TRABD: variants seen among roughly 807,000 people sequenced by gnomAD.
TRABD encodes the protein TraB domain containing, also known as traB domain-containing protein.
In TRABD, 23 loss-of-function variants were observed where a neutral mutation model predicts 39.6. The observed-to-expected ratio is 0.58, with a 90% CI of 0.42 to 0.82. The LOEUF (loss-of-function observed/expected upper bound fraction) is 0.82, where lower values mean the gene tolerates loss of function less well. Among genes scored for constraint, TRABD ranks in the 40% least tolerant of loss-of-function variants. TRABD has a pLI of 0.00. For synonymous variants in TRABD, 243 were observed against 232.1 expected (o/e 1.05, Z -0.43); for missense variants, 487 against 544.9 (o/e 0.89, Z 1.06).
chr22:50,197,432 C>T lies in TRABD; in HGVS notation c.532-17C>T, dbSNP rs1204189766. On this transcript the variant is annotated splice_polypyrimidine_tract_variant and intron_variant, in intron 6 of 9. Coordinates refer to ENST00000380909, the MANE Select transcript of TRABD (RefSeq NM_001320485.2). ...CCGGGGTTCCCACTGCTCCCCAACA[C>T]CCAGCCTCTGCTCCAGGCCAGCAAG... 1.2e-6 allele frequency: 2 copies of T among 1,613,364 alleles called. No individual in the cohort carries two copies. The highest frequency in any genetic ancestry group is 1.6e-4 in the Middle Eastern group (1 of 6,082).
chr22:50,189,942 C>A (rs1248966708), intron 1 of TRABD, among the ~76,000 whole-genome samples: 8 of 152,250 alleles, frequency 5.3e-5, no homozygotes, highest in Non-Finnish European at 2.9e-5. Flanking sequence ...TGGGCCAGGG[C>A]CTTTTGCTCA....
intron 4 of TRABD, 111 bp from the exon 5 acceptor site, chr22:50,194,789 G>A: frequency 1.4e-6 from 2 of 1,479,332 alleles, no homozygotes; most frequent in Non-Finnish European, 1.8e-6. Flanking sequence ...CTAGCCCTGG[G>A]GTGACGCCAA....
Position 50,198,300 on chromosome 22 carries a change from G to T in TRABD, c.957-45G>T. 6.6e-7 allele frequency: 1 copy of T among 1,519,260 alleles called. No individual in the cohort carries two copies. The highest frequency in any genetic ancestry group is 2.3e-5 in the East Asian group (1 of 42,570). The allele number at this position is 1,519,260 out of a possible 1,614,324, so 94.1% of individuals were successfully genotyped here. A position where few individuals can be genotyped will look rare whatever the true frequency, so the allele number is the denominator to read the frequency against. On this transcript the variant is annotated intron_variant, in intron 9 of 9. Coordinates refer to ENST00000380909, the MANE Select transcript of TRABD (RefSeq NM_001320485.2). This position sits in a 1 kb window ranked among gnomAD's most constrained non-coding sequence, Gnocchi z 7.9. ...ACCCAGGCATGGGGGCTGGGGTATG[G>T]GGAGCCCACCCCCAGCCAGGCCCAG...
Position 50,198,190 on chromosome 22 carries a change from A to C in TRABD, c.956+4A>C, listed in dbSNP as rs2147141922. 2 of 1,603,330 alleles carry C rather than the reference A, an allele frequency of 1.2e-6. No homozygotes were observed. The highest frequency in any genetic ancestry group is 4.5e-5 in the East Asian group (2 of 44,046). ...TCAACATCCAGGAGATCATGACGTG[A>C]GTGCCCGCCCCTCCCTGCAAGCCCC... On this transcript the variant is annotated splice_donor_region_variant and intron_variant, in intron 9 of 9. Coordinates refer to ENST00000380909, the MANE Select transcript of TRABD (RefSeq NM_001320485.2). This position sits in a 1 kb window ranked among gnomAD's most constrained non-coding sequence, Gnocchi z 7.9.
intron 1 of TRABD, chr22:50,191,950 A>C (rs2063919775): frequency 1.3e-5 from 2 of 152,140 alleles, no homozygotes; most frequent in African/African-American, 4.8e-5. Flanking sequence ...ATGGGGTTTC[A>C]CCAGGATGGT....
intron 3 of TRABD, 49 bp from the exon 4 acceptor site, chr22:50,194,291 C>G (rs560140633): frequency 1.3e-6 from 2 of 1,586,980 alleles, no homozygotes; most frequent in African/African-American, 2.7e-5. Context: ...GGCCCGGCGG[C>G]GTCCTTGGGG....
rs768567984 is a variant in TRABD, at chr22:50,199,102, A to T, written c.*583A>T. Reference sequence around the variant, plus strand: ...ATGTCTTAAAATCTTTTACTCAGGTAATTTTAATTTCAGAGAGAAAAACTG... The same window carrying T: ...ATGTCTTAAAATCTTTTACTCAGGTTATTTTAATTTCAGAGAGAAAAACTG... On this transcript the variant is annotated 3_prime_UTR_variant, in exon 10 of 10. Transcript: ENST00000380909. The T allele has an allele frequency of 1.4e-6, 1 of 717,562 alleles. No homozygotes were observed. Among genetic ancestry groups the T allele is most frequent in the Admixed American group, 2.0e-5 (1 of 50,064 alleles). The allele number at this position is 717,562 out of a possible 1,614,324, so 44.4% of individuals were successfully genotyped here. A position where few individuals can be genotyped will look rare whatever the true frequency, so the allele number is the denominator to read the frequency against.
chr22:50,198,523 A>C lies in TRABD; in HGVS notation c.*4A>C. ...GACCGAGGCCCGGCACAAGTAGGAG[A>C]CTGCTCCCCGCCCGCTCGGGCCCCT... On this transcript the variant is annotated 3_prime_UTR_variant, in exon 10 of 10. Transcript: ENST00000380909. The surrounding 1 kb of genome is among the most constrained non-coding windows in gnomAD (Gnocchi z 7.9). 6.5e-7 allele frequency: 1 copy of C among 1,542,244 alleles called. No homozygotes were observed. The highest frequency in any genetic ancestry group is 8.7e-7 in the Non-Finnish European group (1 of 1,149,648).
At position 50,195,011 on chromosome 22, in the gene TRABD, C is replaced by A. The variant is rs553660859; in HGVS notation, c.391C>A (p.Leu131Met). Residue 131 changes from leucine (L) to methionine (M), a missense_variant, in exon 5 of 10, where the codon CTG becomes ATG. Around this residue, in one of 3 missense-constraint regions of TRABD, gnomAD observed 358 missense variants for 414.7 expected, o/e 0.86. Transcript: ENST00000380909. ...GCTGCGGGAGGCCCAGGAGCTCAGC[C>A]TGGAGAAGCTGCAGCAGGCCGTGAG... ...TLLREAQELS[L>M]EKLQQAVRQN... The A allele has an allele frequency of 2.5e-6, 4 of 1,605,314 alleles. No individual in the cohort carries two copies. The African/African-American group carries it at 4.0e-5, about 16-fold the overall frequency.
At chr22:50,190,676 T>C (rs984760339) in intron 1 of TRABD, 1 of 152,488 alleles carries the variant, frequency 6.6e-6, no homozygotes. Flanking sequence ...GCCCCGGCAG[T>C]CTTGCGCTGC....
At chr22:50,193,390 C>T (rs551354130) in intron 2 of TRABD, among the ~76,000 whole-genome samples, 186 bp from the exon 3 acceptor site, 44 of 152,194 alleles carry the variant, frequency 2.9e-4, no homozygotes, top group East Asian at 7.7e-4. Flanking sequence ...GTACACAGAG[C>T]GGCCACGGGT....
chr22:50,195,467 TG>T (rs2064066946), intron 5 of TRABD, among the ~76,000 whole-genome samples: 1 of 151,332 alleles, frequency 6.6e-6, no homozygotes, highest in Admixed American at 6.6e-5. Context: ...TTTCGGTTTT[TG>T]TTTTTTTTTT....
intron 1 of TRABD, chr22:50,192,382 GTC>G (rs975638574): frequency 3.9e-5 from 6 of 152,286 alleles, no homozygotes; most frequent in Non-Finnish European, 7.3e-5. Context: ...GTTTCTGAGA[GTC>G]TGTGGGGAGC....
rs1253786034 is a variant in TRABD, at chr22:50,198,144, A to G, written c.914A>G (p.Glu305Gly). ...GGCATGGGCCACGTGCCTGGCATCGAGAAGAACTGGAGCACCGACCTCAAC... is the reference window on the plus strand; with the variant it reads ...GGCATGGGCCACGTGCCTGGCATCGGGAAGAACTGGAGCACCGACCTCAAC... ...VVGMGHVPGI[E>G]KNWSTDLNIQ... is the part of the protein sequence containing the mutation. Residue 305 changes from glutamate (E) to glycine (G), a missense_variant, in exon 9 of 10, where the codon GAG (glutamate) becomes GGG (glycine). Glu to Gly is a moderately conservative substitution (Grantham distance 98, BLOSUM62 -2). This residue lies in a region of TRABD where 123 missense variants were observed against 108.3 expected (regional missense o/e 1.14). Transcript: ENST00000380909. This position sits in a 1 kb window ranked among gnomAD's most constrained non-coding sequence, Gnocchi z 7.9. The G allele has an allele frequency of 3.1e-6, 5 of 1,612,508 alleles. No individual in the cohort carries two copies. The Admixed American group carries it at 8.3e-5, about 27-fold the overall frequency.
At chr22:50,188,688 G>A (rs1383765871) in intron 1 of TRABD, among the ~76,000 whole-genome samples, 1 of 152,206 alleles carries the variant, frequency 6.6e-6, no homozygotes, top group Non-Finnish European at 1.5e-5. Flanking sequence ...GGGAGTTAGG[G>A]CTCTAACCTG....
Position 50,197,829 on chromosome 22 carries a change from T to C in TRABD, c.678T>C (p.Asp226=). Residue 226 remains aspartate (D), a synonymous_variant, in exon 8 of 10, where the codon GAT becomes GAC. Transcript: ENST00000380909. ...CAGCCATCCCTCTCCACAGCAAGGA[T>C]GACGTGGAACGCTGCAAGCAGAAGG... ...LCFLSDPISK[D]DVERCKQKDL... The C allele has an allele frequency of 3.5e-6, 5 of 1,441,444 alleles. No individual in the cohort carries two copies. Among genetic ancestry groups the C allele is most frequent in the Non-Finnish European group, 4.6e-6 (5 of 1,079,868 alleles). 89.3% of individuals were successfully genotyped at this position (1,441,444 alleles called of 1,614,324 possible).
chr22:50,198,564 C>A lies in TRABD; in HGVS notation c.*45C>A. 1 of 1,460,932 alleles carries A rather than the reference C, an allele frequency of 6.8e-7. No individual in the cohort carries two copies. Among genetic ancestry groups the A allele is most frequent in the South Asian group, 1.4e-5 (1 of 72,270 alleles). 90.5% of individuals were successfully genotyped at this position (1,460,932 alleles called of 1,614,324 possible). On this transcript the variant is annotated 3_prime_UTR_variant, in exon 10 of 10. Coordinates refer to ENST00000380909, the MANE Select transcript of TRABD (RefSeq NM_001320485.2). This position sits in a 1 kb window ranked among gnomAD's most constrained non-coding sequence, Gnocchi z 7.9. ...TCGGGCCCCTGAGGAGCCAGTGCCC[C>A]CGCGGCACTTCTGGGTGCCAGGTGC... is the stretch of plus-strand genomic sequence containing the variant.
chr22:50,191,293 C>T (rs1311706672), intron 1 of TRABD, among the ~76,000 whole-genome samples: 1 of 152,170 alleles, frequency 6.6e-6, no homozygotes, highest in Non-Finnish European at 1.5e-5. Flanking sequence ...CCCTGCTCCC[C>T]CAGCCCCTGA....
At position 50,198,128 on chromosome 22, in the gene TRABD, C is replaced by CACGT; in HGVS notation, c.899_902dup (p.Pro302ArgfsTer103). ...GGTCGTGGGCGTCGTGGGCATGGGCCACGTGCCTGGCATCGAGAAGAACTG... is the reference window on the plus strand; with the variant it reads ...GGTCGTGGGCGTCGTGGGCATGGGCCACGTACGTGCCTGGCATCGAGAAGAACTG... On this transcript the variant is annotated frameshift_variant, in exon 9 of 10. Coordinates refer to ENST00000380909, the MANE Select transcript of TRABD (RefSeq NM_001320485.2). LOFTEE classifies it high-confidence loss of function. The surrounding 1 kb of genome is among the most constrained non-coding windows in gnomAD (Gnocchi z 7.9). 2 of 1,612,794 alleles carry CACGT rather than the reference C, an allele frequency of 1.2e-6. No homozygotes were observed. The highest frequency in any genetic ancestry group is 8.5e-7 in the Non-Finnish European group (1 of 1,179,788).
Sources: gnomAD v4.1 joint callset for allele counts (sites outside exome capture counted in the v4.1 genomes callset) on GRCh38, gnomAD v4.1.1 for gene constraint, gnomAD v4.1.1 regional missense constraint, Gnocchi (gnomAD v3.1) non-coding constraint, MANE v1.5 for transcripts, NCBI Gene and HGNC (gene_info 2026-07-23, HGNC 2026-07-21) for gene names.